Variants in RUBCN observed in about 807,000 individuals in gnomAD.
RUBCN encodes the protein run domain Beclin-1-interacting and cysteine-rich domain-containing protein.
Under a neutral mutation model 113.2 loss-of-function variants are expected in RUBCN, and 74 were observed. That is an observed-to-expected ratio of 0.65 (90% CI 0.54 to 0.79). The LOEUF (loss-of-function observed/expected upper bound fraction) is 0.79, where lower values mean the gene tolerates loss of function less well. Ranked by LOEUF, RUBCN falls within the 30% of genes least tolerant of loss-of-function variation. The pLI is 0.00. For missense variants in RUBCN, 1,109 were observed against 1,251.7 expected (o/e 0.89, Z 1.72); for synonymous variants, 480 against 490.0 (o/e 0.98, Z 0.27).
chr3:197,704,177 G>A (rs113499127), intron 4 of RUBCN, among the ~76,000 whole-genome samples: 4,907 of 152,304 alleles, frequency 0.032, 258 homozygotes, highest in African/African-American at 0.11. Flanking sequence ...AGTCACGCCT[G>A]TAATCCCAGC....
Position 197,681,213 on chromosome 3 carries a change from A to T in RUBCN, c.2346T>A (p.Ile782=), listed in dbSNP as rs372215569. The T allele has an allele frequency of 5.5e-5, 88 of 1,614,002 alleles. No individual in the cohort carries two copies. Among genetic ancestry groups the T allele is most frequent in the Non-Finnish European group, 7.2e-5 (85 of 1,180,006 alleles). Residue 782 remains isoleucine (I), a synonymous_variant, in exon 16 of 20, where the codon ATT becomes ATA. Coordinates refer to ENST00000296343, the MANE Select transcript of RUBCN (RefSeq NM_014687.4). The surrounding 1 kb of genome is among the most constrained non-coding windows in gnomAD (Gnocchi z 5.5). ...TGAAGAGAGGATCATTCCAGATCTT[A>T]ATGAGCAGGTCCTTGGAGAAGTTGC... ...YVSNFSKDLL[I]KIWNDPLFNV...
rs1375086743 is a variant in RUBCN at position 197,683,254 on chromosome 3, G to C, written c.1980+53C>G. On this transcript the variant is annotated intron_variant, in intron 13 of 19. Transcript: ENST00000296343. This position sits in a 1 kb window ranked among gnomAD's most constrained non-coding sequence, Gnocchi z 4.6. ...AGGGACATGTGACGAAGGAAAACAAGGTCACAGAGGCTCACGATGGCCCCT... is the reference window on the plus strand; with the variant it reads ...AGGGACATGTGACGAAGGAAAACAACGTCACAGAGGCTCACGATGGCCCCT... The C allele has an allele frequency of 1.2e-6, 2 of 1,610,008 alleles. No homozygotes were observed. Among genetic ancestry groups the C allele is most frequent in the East Asian group, 4.5e-5 (2 of 44,882 alleles).
rs544177951 is a variant in RUBCN at position 197,681,542 on chromosome 3, T to C, written c.2192-175A>G. On this transcript the variant is annotated intron_variant, in intron 15 of 19. Coordinates refer to ENST00000296343, the MANE Select transcript of RUBCN (RefSeq NM_014687.4). This position sits in a 1 kb window ranked among gnomAD's most constrained non-coding sequence, Gnocchi z 5.5. Reference sequence around the variant, plus strand: ...CACATAGTGGATCCTGGGGTGATAATGTCCTACCTTGGAGGCCCTGAGGAA... The same window carrying C: ...CACATAGTGGATCCTGGGGTGATAACGTCCTACCTTGGAGGCCCTGAGGAA... 1.3e-5 allele frequency among the ~76,000 whole-genome samples: 2 copies of C among 152,282 alleles called. No individual in the cohort carries two copies. Among genetic ancestry groups the C allele is most frequent in the African/African-American group, 4.8e-5 (2 of 41,556 alleles).
chr3:197,726,930 T>G (rs753743487), intron 1 of RUBCN, among the ~76,000 whole-genome samples: 46 of 149,758 alleles, frequency 3.1e-4, no homozygotes, highest in Non-Finnish European at 6.1e-4. Flanking sequence ...ACAAACTAGA[T>G]GCACATTCTA....
intron 2 of RUBCN, among the ~76,000 whole-genome samples, chr3:197,713,760 G>A (rs1037649607): frequency 2.0e-5 from 3 of 151,806 alleles, no homozygotes; most frequent in African/African-American, 7.2e-5. Context: ...AGAGAGAAGG[G>A]CATACGGCAG....
chr3:197,733,597 C>T (rs1167088533), intron 1 of RUBCN, among the ~76,000 whole-genome samples: 1 of 152,138 alleles, frequency 6.6e-6, no homozygotes, highest in Admixed American at 6.5e-5. Flanking sequence ...AGTCACAAAG[C>T]CTCAATTAAT....
chr3:197,682,739 G>T, intron 13 of RUBCN, 124 bp from the exon 14 acceptor site: 1 of 1,291,516 alleles, frequency 7.7e-7, no homozygotes, highest in Non-Finnish European at 1.1e-6. Context: ...CACACGGACG[G>T]GCTTGAGAAA....
chr3:197,699,415 C>T (rs552713227), intron 7 of RUBCN, among the ~76,000 whole-genome samples: 2 of 152,342 alleles, frequency 1.3e-5, no homozygotes, highest in Admixed American at 6.5e-5. Flanking sequence ...TTCCTCAGAT[C>T]CTTCCGCACA....
At chr3:197,691,027 C>T (rs1722362061) in intron 11 of RUBCN, 3 of 1,040,704 alleles carry the variant, frequency 2.9e-6, no homozygotes, top group Non-Finnish European at 3.9e-6. Flanking sequence ...GTGCAACATT[C>T]TCACACATGC....
At chr3:197,685,627 G>C (rs1721755199) in intron 11 of RUBCN, among the ~76,000 whole-genome samples, 1 of 152,216 alleles carries the variant, frequency 6.6e-6, no homozygotes, top group African/African-American at 2.4e-5. Flanking sequence ...TAAGGTAACA[G>C]AAGTCAAATC....
upstream of RUBCN, among the ~76,000 whole-genome samples, chr3:197,738,652 C>T (rs1728360114): frequency 6.6e-6 from 1 of 152,210 alleles, no homozygotes; most frequent in Non-Finnish European, 1.5e-5. Context: ...GTAGCGCTGC[C>T]ACAGTTCACT....
intron 16 of RUBCN, among the ~76,000 whole-genome samples, chr3:197,678,983 G>A (rs560652233): frequency 6.9e-6 from 1 of 145,604 alleles, no homozygotes; most frequent in East Asian, 2.1e-4. Context: ...ACTGGCTTCA[G>A]ACTGTCCTAC....
At chr3:197,706,175 T>G (rs1724279603) in intron 2 of RUBCN, among the ~76,000 whole-genome samples, 1 of 152,128 alleles carries the variant, frequency 6.6e-6, no homozygotes, top group Non-Finnish European at 1.5e-5. Context: ...ACATCTACTT[T>G]TCCACGCCAC....
Position 197,674,867 on chromosome 3 carries a change from T to TG in RUBCN, c.*150_*151insC. 5 of 642,264 alleles carry TG rather than the reference T, an allele frequency of 7.8e-6. No individual in the cohort carries two copies. The highest frequency in any genetic ancestry group is 2.3e-5 in the South Asian group (1 of 43,260). The allele number at this position is 642,264 out of a possible 1,614,324, so 39.8% of individuals were successfully genotyped here. On this transcript the variant is annotated 3_prime_UTR_variant, in exon 20 of 20. Transcript: ENST00000296343. ...GCCGACGGCTGACTGCACACAGACGTCAGACAAGTCAGTAAAAAAAAAAAA... is the reference window on the plus strand; with the variant it reads ...GCCGACGGCTGACTGCACACAGACGTGCAGACAAGTCAGTAAAAAAAAAAAA...
chr3:197,704,596 C>G lies in RUBCN; in HGVS notation c.409G>C (p.Ala137Pro), dbSNP rs1215757337. 6.2e-7 allele frequency: 1 copy of G among 1,614,088 alleles called. No homozygotes were observed. Among genetic ancestry groups the G allele is most frequent in the Non-Finnish European group, 8.5e-7 (1 of 1,180,044 alleles). Reference protein sequence around the residue: ...QHSLQYHCLSAQLRPLLGDRQ... With the variant: ...QHSLQYHCLSPQLRPLLGDRQ... ...TCCCCGAGCAGGGGCCGGAGCTGGGCTGAGAGGCAGTGGTACTGCAGGCTG... is the reference window on the plus strand; with the variant it reads ...TCCCCGAGCAGGGGCCGGAGCTGGGGTGAGAGGCAGTGGTACTGCAGGCTG... Residue 137 changes from alanine to proline, a missense_variant, in exon 4 of 20, where the codon GCC becomes CCC. Transcript: ENST00000296343.
At chr3:197,742,580 C>G (rs1018922671) in intron 1 of RUBCN, among the ~76,000 whole-genome samples, 6 of 152,248 alleles carry the variant, frequency 3.9e-5, no homozygotes, top group Admixed American at 6.5e-5. Flanking sequence ...TCCTGCAACT[C>G]TCGCTGAGTA....
At chr3:197,682,332 G>A (rs1480614736) in intron 14 of RUBCN, 138 bp downstream of exon 14, 12 of 1,006,030 alleles carry the variant, frequency 1.2e-5, no homozygotes, top group Admixed American at 2.2e-5. Flanking sequence ...AATGGACGAC[G>A]CCCCCCCTCT....
intron 1 of RUBCN, among the ~76,000 whole-genome samples, chr3:197,727,795 A>G (rs1035633694): frequency 6.6e-6 from 1 of 152,260 alleles, no homozygotes; most frequent in East Asian, 1.9e-4. Context: ...TTCATGAGAC[A>G]TATAAGAAAG....
intron 1 of RUBCN, 128 bp from the exon 2 acceptor site, chr3:197,718,258 T>C (rs2108960101): frequency 1.0e-6 from 1 of 999,242 alleles, no homozygotes; most frequent in Non-Finnish European, 1.6e-6. Flanking sequence ...TCTTAATTTT[T>C]ACTTGGGCAC....
Sources: gnomAD v4.1 joint callset for allele counts (sites outside exome capture counted in the v4.1 genomes callset) on GRCh38, gnomAD v4.1.1 for gene constraint, Gnocchi (gnomAD v3.1) non-coding constraint, MANE v1.5 for transcripts, NCBI Gene and HGNC (gene_info 2026-07-23, HGNC 2026-07-21) for gene names.